The following TLL1 variants were observed in gnomAD, a reference collection of about 807,000 sequenced individuals.
TLL1 encodes tolloid like 1.
A neutral mutation model predicts 128.2 loss-of-function variants in TLL1; 49 were observed. That is an observed-to-expected ratio of 0.38 (90% CI 0.30 to 0.48). The LOEUF (loss-of-function observed/expected upper bound fraction) is 0.48, where lower values mean the gene tolerates loss of function less well. Among genes scored for constraint, TLL1 ranks in the 20% least tolerant of loss-of-function variants. The pLI is 0.96. For missense variants in TLL1, 1,123 were observed against 1,242.0 expected (o/e 0.90, Z 1.44); for synonymous variants, 454 against 418.8 (o/e 1.08, Z -1.03).
At chr4:165,911,786 C>T (rs1579476280) in intron 1 of TLL1, among the ~76,000 whole-genome samples, 1 of 152,086 alleles carries the variant, frequency 6.6e-6, no homozygotes, top group Admixed American at 6.5e-5. Flanking sequence ...GTTTCTGAAA[C>T]CCAAATGTCT....
chr4:165,891,978 A>G (rs1310142590), intron 1 of TLL1, among the ~76,000 whole-genome samples: 2 of 152,244 alleles, frequency 1.3e-5, no homozygotes, highest in Non-Finnish European at 2.9e-5. Context: ...TAAAGGAAAG[A>G]GGTTTAATTG....
intron 1 of TLL1, among the ~76,000 whole-genome samples, chr4:165,970,910 G>C (rs1272111917): frequency 1.3e-5 from 2 of 152,102 alleles, no homozygotes; most frequent in Non-Finnish European, 2.9e-5. Flanking sequence ...CTACCTAATG[G>C]TTATTTTCCA....
At chr4:166,018,352 CT>C (rs1399929794) in intron 8 of TLL1, among the ~76,000 whole-genome samples, 7 of 152,012 alleles carry the variant, frequency 4.6e-5, no homozygotes, top group Admixed American at 4.6e-4. Flanking sequence ...TATAAGAAGC[CT>C]TAAATAAAAC....
At chr4:166,058,856 A>G (rs1353678267) in intron 14 of TLL1, among the ~76,000 whole-genome samples, 1 of 152,090 alleles carries the variant, frequency 6.6e-6, no homozygotes, top group Non-Finnish European at 1.5e-5. Flanking sequence ...GGCAAAGGGG[A>G]AAGAATTATT....
chr4:166,045,716 T>A (rs1739434899), intron 12 of TLL1, among the ~76,000 whole-genome samples: 1 of 152,068 alleles, frequency 6.6e-6, no homozygotes, highest in Non-Finnish European at 1.5e-5. Flanking sequence ...TCCTCCTCAC[T>A]CCCTCTGTGT....
At chr4:166,030,713 T>C (rs1381218533) in intron 9 of TLL1, 1 of 1,183,894 alleles carries the variant, frequency 8.4e-7, no homozygotes, top group Non-Finnish European at 1.0e-6. Flanking sequence ...TCCAGTTTCT[T>C]CAACACCATT....
chr4:165,889,647 A>T (rs1302567382), intron 1 of TLL1, among the ~76,000 whole-genome samples: 2 of 152,222 alleles, frequency 1.3e-5, no homozygotes, highest in African/African-American at 4.8e-5. Flanking sequence ...AAGTAGGATT[A>T]TGCTTTTCTT....
intron 9 of TLL1, among the ~76,000 whole-genome samples, chr4:166,032,874 A>ATTAC (rs1738836017): frequency 6.6e-6 from 1 of 152,146 alleles, no homozygotes. Context: ...TTCATATGTA[A>ATTAC]AGAGCTGTTA....
rs548301858 is a variant in TLL1 at position 166,055,631 on chromosome 4, T to C, written c.1720+360T>C. On this transcript the variant is annotated intron_variant, in intron 13 of 20. Transcript: ENST00000061240. ...TGAAGTTTATCTATTTGTTTCCAGG[T>C]GCCAGCATTACTCCCTTTCAGACTA... Among the ~76,000 whole-genome samples the C allele has an allele frequency of 2.6e-5, 4 of 152,284 alleles. No homozygotes were observed. In the South Asian group the frequency reaches 8.3e-4, roughly 32 times the overall value.
chr4:165,882,848 C>T (rs1731020404), intron 1 of TLL1, among the ~76,000 whole-genome samples: 1 of 151,544 alleles, frequency 6.6e-6, no homozygotes, highest in African/African-American at 2.4e-5. Context: ...GAACTCCCAA[C>T]CTCAGGTGAT....
chr4:165,985,734 G>A (rs1736365300), intron 1 of TLL1, among the ~76,000 whole-genome samples: 1 of 151,930 alleles, frequency 6.6e-6, no homozygotes, highest in African/African-American at 2.4e-5. Flanking sequence ...TTTATAAAAT[G>A]CACTTATTCT....
At chr4:165,951,253 A>C (rs1734501321) in intron 1 of TLL1, among the ~76,000 whole-genome samples, 1 of 152,154 alleles carries the variant, frequency 6.6e-6, no homozygotes, top group African/African-American at 2.4e-5. Flanking sequence ...TTACTGTTTA[A>C]AATCTTACAA....
intron 1 of TLL1, among the ~76,000 whole-genome samples, chr4:165,891,827 C>T (rs946990029): frequency 1.3e-5 from 2 of 152,200 alleles, no homozygotes; most frequent in African/African-American, 4.8e-5. Context: ...CTGAGCCTTC[C>T]AACTTCTGCC....
chr4:165,921,860 C>A (rs1430321624), intron 1 of TLL1, among the ~76,000 whole-genome samples: 2 of 152,172 alleles, frequency 1.3e-5, no homozygotes, highest in East Asian at 3.9e-4. Flanking sequence ...CATTGCATCA[C>A]TGCATGTTTA....
intron 6 of TLL1, among the ~76,000 whole-genome samples, chr4:166,004,583 T>C (rs897433423): frequency 2.0e-5 from 3 of 152,070 alleles, no homozygotes; most frequent in Admixed American, 6.6e-5. Context: ...AAAAGTCCCT[T>C]AGTGAGTCAA....
intron 1 of TLL1, among the ~76,000 whole-genome samples, chr4:165,957,343 A>T (rs1734852391): frequency 6.6e-6 from 1 of 152,090 alleles, no homozygotes; most frequent in Non-Finnish European, 1.5e-5. Flanking sequence ...CAGCACCCAG[A>T]CTTATAAAAC....
intron 19 of TLL1, among the ~76,000 whole-genome samples, chr4:166,094,825 C>A (rs1741945770): frequency 6.6e-6 from 1 of 152,078 alleles, no homozygotes; most frequent in Non-Finnish European, 1.5e-5. Context: ...CTCAAAATCT[C>A]TTTAACAGGT....
chr4:165,960,114 A>T (rs1392011126), intron 1 of TLL1, among the ~76,000 whole-genome samples: 2 of 152,050 alleles, frequency 1.3e-5, no homozygotes, highest in Admixed American at 6.6e-5. Flanking sequence ...TAGAAAGAAG[A>T]TCCAAAATAG....
chr4:165,991,817 A>G (rs1736648226), intron 2 of TLL1, among the ~76,000 whole-genome samples: 1 of 152,042 alleles, frequency 6.6e-6, no homozygotes, highest in African/African-American at 2.4e-5. Context: ...AAGATACTCT[A>G]TGAACCATAG....
Sources: allele counts gnomAD v4.1 joint callset (sites outside exome capture counted in the v4.1 genomes callset), GRCh38; gene constraint gnomAD v4.1.1; transcripts MANE v1.5; gene names NCBI Gene and HGNC (gene_info 2026-07-23, HGNC 2026-07-21).